Variants in FNDC3A observed in about 807,000 individuals in gnomAD.
The protein encoded by FNDC3A is fibronectin type III domain containing 3A.
Under a neutral mutation model 148.9 loss-of-function variants are expected in FNDC3A, and 32 were observed. The ratio of observed to expected loss-of-function variants is 0.21; its 90% CI spans 0.16 to 0.29. The LOEUF is 0.29. FNDC3A is among the 10% of genes least tolerant of loss of function. The pLI is 1.00. For missense variants in FNDC3A, 1,191 were observed against 1,452.8 expected (o/e 0.82, Z 2.93); for synonymous variants, 472 against 473.6 (o/e 1.00, Z 0.04).
At chr13:49,151,787 T>TA (rs757429023) in intron 8 of FNDC3A, among the ~76,000 whole-genome samples, 17 of 152,178 alleles carry the variant, frequency 1.1e-4, no homozygotes, top group Non-Finnish European at 2.1e-4. Flanking sequence ...GTCCAAGTGT[T>TA]ATCATTGTTC....
intron 3 of FNDC3A, among the ~76,000 whole-genome samples, chr13:49,100,945 A>C (rs1277338628): frequency 6.6e-6 from 1 of 152,140 alleles, no homozygotes; most frequent in Non-Finnish European, 1.5e-5. Flanking sequence ...GTAAAGTAAA[A>C]CTTTTGTTGA....
intron 3 of FNDC3A, among the ~76,000 whole-genome samples, chr13:49,080,802 G>A (rs1380943014): frequency 1.3e-5 from 2 of 152,176 alleles, no homozygotes; most frequent in Admixed American, 1.3e-4. Flanking sequence ...TAGAGAATAT[G>A]TAGTAAACAC....
chr13:49,060,512 C>CAT (rs1372882122), intron 2 of FNDC3A, among the ~76,000 whole-genome samples: 10 of 151,960 alleles, frequency 6.6e-5, no homozygotes, highest in Non-Finnish European at 1.5e-4. Flanking sequence ...GGTGTGGTGG[C>CAT]ATATGCCAGT....
At chr13:49,199,745 A>G (rs1886338901) in intron 23 of FNDC3A, among the ~76,000 whole-genome samples, 1 of 152,190 alleles carries the variant, frequency 6.6e-6, no homozygotes. Context: ...CTAAATGAAT[A>G]CAGTTCAGTT....
intron 2 of FNDC3A, among the ~76,000 whole-genome samples, chr13:49,035,718 G>C (rs533627599): frequency 6.6e-6 from 1 of 152,114 alleles, no homozygotes; most frequent in South Asian, 2.1e-4. Context: ...TGTATCCCCA[G>C]CTCTTCAAAG....
intron 8 of FNDC3A, among the ~76,000 whole-genome samples, chr13:49,151,573 T>C (rs1883298045): frequency 6.6e-6 from 1 of 152,284 alleles, no homozygotes; most frequent in African/African-American, 2.4e-5. Flanking sequence ...TGTTTCTTTT[T>C]GTTTTTTTTA....
intron 3 of FNDC3A, among the ~76,000 whole-genome samples, chr13:49,080,830 A>AGCTG (rs1878420310): frequency 6.6e-6 from 1 of 151,774 alleles, no homozygotes; most frequent in Non-Finnish European, 1.5e-5. Context: ...TCCTGTGTAG[A>AGCTG]GCTGGCTCTC....
At chr13:49,101,599 A>T (rs1879856437) in intron 3 of FNDC3A, among the ~76,000 whole-genome samples, 1 of 152,106 alleles carries the variant, frequency 6.6e-6, no homozygotes, top group African/African-American at 2.4e-5. Context: ...TGCCAGGAAA[A>T]AAAAAATCAA....
intron 24 of FNDC3A, among the ~76,000 whole-genome samples, chr13:49,202,870 G>A (rs886278085): frequency 1.3e-5 from 2 of 152,168 alleles, no homozygotes; most frequent in African/African-American, 2.4e-5. Context: ...GCTGGGCATG[G>A]CAGCATATGC....
rs1435938042 is a variant in FNDC3A, at chr13:49,198,280, TTA to T, written c.2774+17_2774+18del. On this transcript the variant is annotated intron_variant, in intron 22 of 25. Coordinates refer to ENST00000492622, the MANE Select transcript of FNDC3A (RefSeq NM_001079673.2). ...ACAACATACAGGTATACTCTAAAAATTATGTTGATTTTTGCCTAGACCAGAGA... is the reference window on the plus strand; with the variant it reads ...ACAACATACAGGTATACTCTAAAAATTGTTGATTTTTGCCTAGACCAGAGA... The T allele has an allele frequency of 3.7e-6, 6 of 1,610,986 alleles. No homozygotes were observed. The highest frequency in any genetic ancestry group is 1.3e-5 in the African/African-American group (1 of 74,608).
intron 14 of FNDC3A, among the ~76,000 whole-genome samples, chr13:49,181,620 T>C (rs1885308471): frequency 6.6e-6 from 1 of 152,224 alleles, no homozygotes; most frequent in Admixed American, 6.5e-5. Context: ...TGAGGGCATT[T>C]TGAATCATTA....
In FNDC3A at chr13:49,172,091, G is replaced by A. The variant is rs1884782785; in HGVS notation, c.1225G>A (p.Asp409Asn). The A allele has an allele frequency of 1.3e-6, 2 of 1,590,774 alleles. No homozygotes were observed. The highest frequency in any genetic ancestry group is 1.7e-6 in the Non-Finnish European group (2 of 1,161,108). Residue 409 changes from aspartate to asparagine, a missense_variant, in exon 11 of 26, where the codon GAT becomes AAT. Around this residue, in one of 3 missense-constraint regions of FNDC3A, gnomAD observed 14 missense variants for 35.5 expected, o/e 0.39. Transcript: ENST00000492622. Reference sequence around the variant, plus strand: ...AATCCAAAACTTTGTATTAGAATGGGATGAAGTAAGTAAATTGAATCTTTT... The same window carrying A: ...AATCCAAAACTTTGTATTAGAATGGAATGAAGTAAGTAAATTGAATCTTTT... ...SKIQNFVLEW[D>N]EGKGNGEFCQ...
At chr13:49,118,508 C>T (rs971115015) in intron 4 of FNDC3A, among the ~76,000 whole-genome samples, 2 of 152,286 alleles carry the variant, frequency 1.3e-5, no homozygotes, top group East Asian at 1.9e-4. Flanking sequence ...AAGACAGAAC[C>T]GTTCACTCCC....
intron 8 of FNDC3A, among the ~76,000 whole-genome samples, chr13:49,162,417 C>T (rs1457636734): frequency 6.6e-6 from 1 of 152,148 alleles, no homozygotes; most frequent in Non-Finnish European, 1.5e-5. Flanking sequence ...GAAGCTTGTG[C>T]ATGTGTCACG....
At chr13:49,144,956 C>T (rs970195260) in intron 7 of FNDC3A, among the ~76,000 whole-genome samples, 16 of 152,176 alleles carry the variant, frequency 1.1e-4, no homozygotes, top group African/African-American at 3.9e-4. Flanking sequence ...TTTTTGAGCA[C>T]TTGCAGAATA....
intron 8 of FNDC3A, among the ~76,000 whole-genome samples, chr13:49,151,812 A>C (rs1883314320): frequency 6.6e-6 from 1 of 152,006 alleles, no homozygotes; most frequent in South Asian, 2.1e-4. Context: ...TCCACCTATG[A>C]GTGAGAACAT....
intron 2 of FNDC3A, among the ~76,000 whole-genome samples, chr13:49,038,406 T>C (rs1874661797): frequency 6.6e-6 from 1 of 152,130 alleles, no homozygotes; most frequent in Non-Finnish European, 1.5e-5. Context: ...CCTAATCCAA[T>C]ATGGCTGGTT....
At chr13:48,991,325 T>G (rs532441008) in intron 1 of FNDC3A, among the ~76,000 whole-genome samples, 1 of 152,062 alleles carries the variant, frequency 6.6e-6, no homozygotes, top group Non-Finnish European at 1.5e-5. Context: ...TTACCAGAGA[T>G]AAAGAGGATT....
chr13:49,090,692 A>G (rs556673178), intron 3 of FNDC3A, among the ~76,000 whole-genome samples: 61 of 151,812 alleles, frequency 4.0e-4, no homozygotes, highest in African/African-American at 1.4e-3. Context: ...CCATGCATTA[A>G]AGATTAGGTC....
Sources: allele counts gnomAD v4.1 joint callset (sites outside exome capture counted in the v4.1 genomes callset), GRCh38; gene constraint gnomAD v4.1.1; regional missense constraint gnomAD v4.1.1; transcripts MANE v1.5; gene names NCBI Gene and HGNC (gene_info 2026-07-23, HGNC 2026-07-21).